Variants in SLC26A8 observed in about 807,000 individuals in gnomAD.
SLC26A8 encodes testis anion transporter 1.
A neutral mutation model predicts 105.0 loss-of-function variants in SLC26A8; 70 were observed. The ratio of observed to expected loss-of-function variants is 0.67; its 90% CI spans 0.55 to 0.81. SLC26A8 has a LOEUF of 0.81. Among genes scored for constraint, SLC26A8 ranks in the 40% least tolerant of loss-of-function variants. The pLI is 0.00. For synonymous variants in SLC26A8, 415 were observed against 438.3 expected, an observed-to-expected ratio of 0.95 and a Z score of 0.66; for missense variants, 998 against 1,181.8, an observed-to-expected ratio of 0.84 and a Z score of 2.28.
chr6:35,977,122 A>T, intron 9 of SLC26A8, 82 bp downstream of exon 9: 1 of 1,481,820 alleles, frequency 6.7e-7, no homozygotes. Flanking sequence ...TTCAGTTAAA[A>T]AAGACTCCTG....
intron 6 of SLC26A8, 27 bp from the exon 7 acceptor site, chr6:35,991,835 T>C (rs751849883): frequency 6.4e-7 from 1 of 1,553,496 alleles, no homozygotes; most frequent in East Asian, 2.4e-5. Flanking sequence ...TTACGGAGGC[T>C]TAGAAAGGGA....
chr6:35,945,581 T>C (rs867748846), intron 19 of SLC26A8, among the ~76,000 whole-genome samples: 1 of 152,184 alleles, frequency 6.6e-6, no homozygotes, highest in South Asian at 2.1e-4. Flanking sequence ...GCCTACCTTG[T>C]CCTCCTCCAT....
In SLC26A8 at chr6:35,943,960, C is replaced by T; in HGVS notation, c.2853G>A (p.Glu951=). 2 of 1,614,178 alleles carry T rather than the reference C, an allele frequency of 1.2e-6. No individual in the cohort carries two copies. Among genetic ancestry groups the T allele is most frequent in the Middle Eastern group, 1.6e-4 (1 of 6,062 alleles). Reference sequence around the variant, plus strand: ...ATGAATCCATAGGATGGCGTCTCCTCTCCACTGACCATGTCCGAGTCTGAG... The same window carrying T: ...ATGAATCCATAGGATGGCGTCTCCTTTCCACTGACCATGTCCGAGTCTGAG... ...SQTQTRTWSV[E]RRRHPMDSYS... The change falls in exon 20 of 20, where the codon GAG becomes GAA. Residue 951 remains glutamate, a synonymous_variant. Coordinates refer to ENST00000490799, the MANE Select transcript of SLC26A8 (RefSeq NM_052961.4).
intron 19 of SLC26A8, among the ~76,000 whole-genome samples, chr6:35,945,497 C>T (rs1018755559): frequency 6.6e-6 from 1 of 152,148 alleles, no homozygotes; most frequent in Non-Finnish European, 1.5e-5. Context: ...CTGTGGTCCC[C>T]GCCCTTTGCT....
chr6:35,963,511 A>G (rs1772392501), intron 11 of SLC26A8, among the ~76,000 whole-genome samples: 1 of 152,094 alleles, frequency 6.6e-6, no homozygotes, highest in African/African-American at 2.4e-5. Context: ...CTTCCCTTCT[A>G]ATAAACTTTC....
chr6:35,989,678 T>C (rs1773674108), intron 7 of SLC26A8: 1 of 152,176 alleles, frequency 6.6e-6, no homozygotes, highest in Non-Finnish European at 1.5e-5. Context: ...AAGTCATCTG[T>C]AGGGACCTTA....
At chr6:35,968,605 G>GTATATATA (rs1554163661) in intron 11 of SLC26A8, among the ~76,000 whole-genome samples, 5 of 53,856 alleles carry the variant, frequency 9.3e-5, no homozygotes, top group Non-Finnish European at 1.1e-4. Flanking sequence ...GTGTGTGTGT[G>GTATATATA]TGTGTATATA....
chr6:35,949,471 T>C (rs1359015830), intron 19 of SLC26A8, among the ~76,000 whole-genome samples: 1 of 151,958 alleles, frequency 6.6e-6, no homozygotes, highest in Non-Finnish European at 1.5e-5. Flanking sequence ...AATACCTGTA[T>C]ACTGAAATAC....
At chr6:35,980,088 T>C (rs1229402193) in intron 8 of SLC26A8, among the ~76,000 whole-genome samples, 1 of 152,242 alleles carries the variant, frequency 6.6e-6, no homozygotes, top group African/African-American at 2.4e-5. Context: ...TTCTCTTGCC[T>C]TAGCCTCCCA....
At chr6:36,003,144 T>C (rs1399462088) in intron 3 of SLC26A8, among the ~76,000 whole-genome samples, 2 of 152,236 alleles carry the variant, frequency 1.3e-5, no homozygotes, top group Admixed American at 6.5e-5. Flanking sequence ...CTCAGGATCA[T>C]AAAGATATTC....
At position 35,955,396 on chromosome 6, in the gene SLC26A8, T is replaced by C. The variant is rs937339162; in HGVS notation, c.1988A>G (p.Tyr663Cys). The change falls in exon 17 of 20, where the codon TAC becomes TGC. Residue 663 changes from tyrosine to cysteine, a missense_variant. Coordinates refer to ENST00000490799, the MANE Select transcript of SLC26A8 (RefSeq NM_052961.4). ...SQTASEDQVPYTVSSVSQKNQ... is the reference protein window; with the variant it reads ...SQTASEDQVPCTVSSVSQKNQ... ...TTTCTGAGACACGGACGATACTGTG[T>C]ATGGCACTTGGTCTTCGGATGCAGT... 1 of 1,614,224 alleles carries C rather than the reference T, an allele frequency of 6.2e-7. No homozygotes were observed. The highest frequency in any genetic ancestry group is 8.5e-7 in the Non-Finnish European group (1 of 1,180,036).
At chr6:35,984,892 C>T (rs145648777) in intron 7 of SLC26A8, among the ~76,000 whole-genome samples, 2 of 152,062 alleles carry the variant, frequency 1.3e-5, no homozygotes, top group African/African-American at 4.8e-5. Context: ...TCATTATATC[C>T]CTCCACCCTT....
At chr6:35,982,333 G>A (rs1317846009) in intron 7 of SLC26A8, 130 bp from the exon 8 acceptor site, 3 of 774,814 alleles carry the variant, frequency 3.9e-6, no homozygotes, top group Admixed American at 4.6e-5. Context: ...CCCTATGCAT[G>A]CAAGTTGGAG....
intron 7 of SLC26A8, among the ~76,000 whole-genome samples, chr6:35,986,632 A>C (rs1773536468): frequency 6.6e-6 from 1 of 152,204 alleles, no homozygotes; most frequent in South Asian, 2.1e-4. Flanking sequence ...TATTTCACTT[A>C]ACATGTCCTC....
intron 3 of SLC26A8, among the ~76,000 whole-genome samples, chr6:36,002,826 C>T (rs985897732): frequency 2.6e-5 from 4 of 151,882 alleles, no homozygotes. Context: ...ACCTCAGCCT[C>T]CTGAGTAGCT....
At chr6:35,946,323 G>A (rs1324670961) in intron 19 of SLC26A8, among the ~76,000 whole-genome samples, 4 of 152,054 alleles carry the variant, frequency 2.6e-5, no homozygotes, top group African/African-American at 9.7e-5. Flanking sequence ...TGCAACTTCC[G>A]CCTCCCAGGT....
At position 36,000,073 on chromosome 6, in the gene SLC26A8, G is replaced by T; in HGVS notation, c.364C>A (p.Pro122Thr). Residue 122 changes from proline (P) to threonine (T), a missense_variant, in exon 4 of 20, where the codon CCT (proline) becomes ACT (threonine). Coordinates refer to ENST00000490799, the MANE Select transcript of SLC26A8 (RefSeq NM_052961.4). The stretch of plus-strand genomic sequence containing the variant: ...GCTGCATAAGCGATGTTGAGAGGAG[G>T]AATCAGTTGCCTTGCCAGCAAACTA... ...TLSLLARQLI[P>T]PLNIAYAAFC... 6.2e-7 allele frequency: 1 copy of T among 1,614,056 alleles called. No homozygotes were observed. The highest frequency in any genetic ancestry group is 1.7e-5 in the Admixed American group (1 of 60,018).
intron 3 of SLC26A8, among the ~76,000 whole-genome samples, chr6:36,007,020 G>C (rs1247429668): frequency 6.6e-6 from 1 of 152,142 alleles, no homozygotes; most frequent in Admixed American, 6.5e-5. Context: ...AAATCCTACA[G>C]CTAACATCAT....
At chr6:35,990,425 G>A (rs1430620440) in intron 7 of SLC26A8, 2 of 160,318 alleles carry the variant, frequency 1.2e-5, no homozygotes, top group Non-Finnish European at 2.7e-5. Flanking sequence ...CATAGGAAAG[G>A]GCCGTTCATT....
Sources: allele counts gnomAD v4.1 joint callset (sites outside exome capture counted in the v4.1 genomes callset), GRCh38; gene constraint gnomAD v4.1.1; transcripts MANE v1.5; gene names NCBI Gene and HGNC (gene_info 2026-07-23, HGNC 2026-07-21).